The following GRID2 variants were observed in gnomAD, a reference collection of about 807,000 sequenced individuals.
GRID2 encodes glutamate ionotropic receptor delta type subunit 2, also known as glutamate receptor ionotropic, delta-2.
In GRID2, 33 loss-of-function variants were observed where a neutral mutation model predicts 114.8. The observed-to-expected ratio is 0.29, with a 90% CI of 0.22 to 0.38. The LOEUF (loss-of-function observed/expected upper bound fraction) is 0.38. Among genes scored for constraint, GRID2 ranks in the 10% least tolerant of loss-of-function variants. The pLI is 1.00. For synonymous variants in GRID2, 505 were observed against 449.9 expected (o/e 1.12, Z -1.55); for missense variants, 1,184 against 1,257.7 (o/e 0.94, Z 0.89).
chr4:93,015,775 G>C lies in GRID2; in HGVS notation c.245-69220G>C, dbSNP rs1172306031. On this transcript the variant is annotated intron_variant, in intron 2 of 15. Transcript: ENST00000282020. ...ACAGACTTTCAAAACAGGGAGTTTG[G>C]AACCTGGATAATCTTGGCAAATCCT... Among the ~76,000 whole-genome samples the C allele has an allele frequency of 3.3e-5, 5 of 151,962 alleles. No individual in the cohort carries two copies. The East Asian group carries it at 9.7e-4, about 29-fold the overall frequency.
At chr4:93,555,009 G>A (rs1377497038) in intron 13 of GRID2, among the ~76,000 whole-genome samples, 1 of 152,148 alleles carries the variant, frequency 6.6e-6, no homozygotes. Context: ...CAAGAGATCG[G>A]AGAACTCCCT....
At chr4:93,498,802 A>G (rs1727813533) in intron 12 of GRID2, among the ~76,000 whole-genome samples, 1 of 151,874 alleles carries the variant, frequency 6.6e-6, no homozygotes, top group Admixed American at 6.6e-5. Flanking sequence ...GATAGAATTT[A>G]CAATACTATG....
intron 1 of GRID2, among the ~76,000 whole-genome samples, chr4:92,548,487 C>T (rs1460223298): frequency 7.4e-6 from 1 of 135,968 alleles, no homozygotes; most frequent in Admixed American, 8.2e-5. Context: ...CTGCAACCTC[C>T]GCCTGCCGGG....
intron 4 of GRID2, among the ~76,000 whole-genome samples, chr4:93,120,278 A>G (rs956048344): frequency 2.0e-5 from 3 of 152,200 alleles, no homozygotes; most frequent in Admixed American, 6.5e-5. Context: ...TCATCCTACT[A>G]TAATGACACA....
intron 2 of GRID2, among the ~76,000 whole-genome samples, chr4:92,858,604 C>T (rs924771624): frequency 3.3e-5 from 5 of 152,156 alleles, no homozygotes; most frequent in African/African-American, 1.2e-4. Context: ...TTCGCCCAGG[C>T]TGGAGTGCAG....
At chr4:93,084,672 G>A (rs1178723546) in intron 2 of GRID2, among the ~76,000 whole-genome samples, 1 of 152,146 alleles carries the variant, frequency 6.6e-6, no homozygotes, top group Non-Finnish European at 1.5e-5. Flanking sequence ...TATCATGTGA[G>A]AGGCAAATAA....
chr4:93,026,815 C>T (rs1372392116), intron 2 of GRID2, among the ~76,000 whole-genome samples: 2 of 151,998 alleles, frequency 1.3e-5, no homozygotes, highest in East Asian at 3.9e-4. Context: ...ATGCAAATAT[C>T]ATTCATTTAT....
chr4:92,916,328 C>T (rs1372005232), intron 2 of GRID2, among the ~76,000 whole-genome samples: 2 of 151,908 alleles, frequency 1.3e-5, no homozygotes, highest in African/African-American at 4.8e-5. Context: ...AGCTAGAAAA[C>T]GATCATTGTC....
At chr4:93,163,668 G>A (rs1165853028) in intron 4 of GRID2, among the ~76,000 whole-genome samples, 1 of 151,242 alleles carries the variant, frequency 6.6e-6, no homozygotes, top group Non-Finnish European at 1.5e-5. Context: ...ATGATGGGCT[G>A]TCATTAAATA....
chr4:92,503,254 T>C (rs1413896537), intron 1 of GRID2, among the ~76,000 whole-genome samples: 5 of 152,124 alleles, frequency 3.3e-5, no homozygotes, highest in Admixed American at 6.6e-5. Context: ...TGCTTGAATT[T>C]CAGAGATTGT....
intron 13 of GRID2, among the ~76,000 whole-genome samples, chr4:93,586,791 G>T (rs1737578488): frequency 6.6e-6 from 1 of 152,048 alleles, no homozygotes; most frequent in Non-Finnish European, 1.5e-5. Context: ...GGCTGTTGAT[G>T]ATCTGGAATG....
intron 1 of GRID2, among the ~76,000 whole-genome samples, chr4:92,544,224 C>A (rs1005720562): frequency 6.6e-6 from 1 of 152,022 alleles, no homozygotes; most frequent in Non-Finnish European, 1.5e-5. Context: ...TTAATTTTTG[C>A]CTGGTTTTGA....
intron 1 of GRID2, among the ~76,000 whole-genome samples, chr4:93,792,337 G>C (rs901763396): frequency 6.6e-6 from 1 of 152,066 alleles, no homozygotes; most frequent in Non-Finnish European, 1.5e-5. Context: ...ATACACATCT[G>C]TACCTTTAAT....
intron 1 of GRID2, among the ~76,000 whole-genome samples, chr4:92,310,381 G>GTTTGTC (rs1442485541): frequency 6.6e-6 from 1 of 151,920 alleles, no homozygotes; most frequent in East Asian, 1.9e-4. Flanking sequence ...TGAATGAATG[G>GTTTGTC]TTTGTCTTAT....
At chr4:93,329,015 T>C (rs183083253) in intron 8 of GRID2, among the ~76,000 whole-genome samples, 94 of 152,294 alleles carry the variant, frequency 6.2e-4, no homozygotes, top group African/African-American at 2.2e-3. Flanking sequence ...ATATAGGAGA[T>C]GTTCAATCAA....
chr4:93,087,220 T>C (rs1421361579), intron 3 of GRID2, among the ~76,000 whole-genome samples: 2 of 151,902 alleles, frequency 1.3e-5, no homozygotes, highest in East Asian at 3.9e-4. Flanking sequence ...TTTTGTATTT[T>C]TAGTAGAGAT....
chr4:93,392,552 G>A (rs1764957757), intron 8 of GRID2, among the ~76,000 whole-genome samples: 1 of 152,034 alleles, frequency 6.6e-6, no homozygotes, highest in Non-Finnish European at 1.5e-5. Flanking sequence ...ATGAACCTCA[G>A]GGAGGTAAGT....
rs535736230 is a variant in GRID2, at chr4:93,419,337, A to C, written c.1348-3434A>C. On this transcript the variant is annotated intron_variant, in intron 9 of 15. Coordinates refer to ENST00000282020, the MANE Select transcript of GRID2 (RefSeq NM_001510.4). ...TAAATGGATAAATCAATGACTGAAT[A>C]AATTTTAGAGATAGGTACATAGATA... is the stretch of plus-strand genomic sequence containing the variant. 1.1e-3 allele frequency among the ~76,000 whole-genome samples: 170 copies of C among 151,992 alleles called. 1 individual carries two copies. Among genetic ancestry groups the C allele is most frequent in the Non-Finnish European group, 1.3e-3 (88 of 67,880 alleles).
intron 3 of GRID2, among the ~76,000 whole-genome samples, chr4:93,096,805 C>T (rs1731266712): frequency 6.6e-6 from 1 of 151,886 alleles, no homozygotes; most frequent in Non-Finnish European, 1.5e-5. Flanking sequence ...GTATACCTCA[C>T]CTATTTCACT....
Sources: gnomAD v4.1 joint callset for allele counts (sites outside exome capture counted in the v4.1 genomes callset) on GRCh38, gnomAD v4.1.1 for gene constraint, MANE v1.5 for transcripts, NCBI Gene and HGNC (gene_info 2026-07-23, HGNC 2026-07-21) for gene names.